The following C4orf51 variants were observed in gnomAD, a reference collection of about 807,000 sequenced individuals.
C4orf51 encodes uncharacterized protein C4orf51.
A neutral mutation model predicts 25.2 loss-of-function variants in C4orf51; 25 were observed. The ratio of observed to expected loss-of-function variants is 0.99; its 90% confidence interval spans 0.72 to 1.39. The LOEUF (loss-of-function observed/expected upper bound fraction) is 1.39, where lower values mean the gene tolerates loss of function less well. C4orf51 is among the 40% of genes most tolerant of loss of function. C4orf51 has a pLI of 0.00. For missense variants in C4orf51, 252 were observed against 239.6 expected (o/e 1.05, Z -0.34); for synonymous variants, 100 against 84.5 (o/e 1.18, Z -1.01).
intron 1 of C4orf51, among the ~76,000 whole-genome samples, chr4:145,693,822 G>A (rs1300406950): frequency 2.3e-5 from 1 of 42,986 alleles, no homozygotes; most frequent in African/African-American, 9.3e-5. Flanking sequence ...CGGACGGGGC[G>A]GCTGGCCGGG....
chr4:145,725,116 C>G (rs1731983612), intron 2 of C4orf51, among the ~76,000 whole-genome samples: 1 of 151,630 alleles, frequency 6.6e-6, no homozygotes, highest in African/African-American at 2.4e-5. Context: ...ACCAAAATCT[C>G]AGAAATCACC....
chr4:145,764,037 G>T (rs537557100), intron 1 of C4orf51, among the ~76,000 whole-genome samples: 1 of 152,302 alleles, frequency 6.6e-6, no homozygotes, highest in Admixed American at 6.5e-5. Context: ...ATCTAGGGGA[G>T]TCATGCCACC....
At position 145,696,451 on chromosome 4, in the gene C4orf51, A is replaced by G. The variant is rs1730060763; in HGVS notation, c.234-108A>G. On this transcript the variant is annotated intron_variant, in intron 1 of 5. Coordinates refer to ENST00000438731, the MANE Select transcript of C4orf51 (RefSeq NM_001080531.3). Reference sequence around the variant, plus strand: ...CTTCACATGTACTCCCAAACCTAAAATGAAAGTTTTAAAAAAAGATGAATG... The same window carrying G: ...CTTCACATGTACTCCCAAACCTAAAGTGAAAGTTTTAAAAAAAGATGAATG... 3.2e-6 allele frequency: 3 copies of G among 925,910 alleles called. No homozygotes were observed. In the Admixed American group the frequency reaches 6.7e-5, roughly 21 times the overall value. 57.4% of individuals were successfully genotyped at this position (925,910 alleles called of 1,614,324 possible).
intron 1 of C4orf51, among the ~76,000 whole-genome samples, chr4:145,742,532 G>GTTTTTTTTTTTTT (rs141147414): frequency 9.5e-6 from 1 of 104,990 alleles, no homozygotes; most frequent in African/African-American, 4.1e-5. Flanking sequence ...TCTTTTTCTT[G>GTTTTTTTTTTTTT]TTTTTTTTTT....
chr4:145,776,547 C>A, the C4orf51 span, among the ~76,000 whole-genome samples: 1 of 151,348 alleles, frequency 6.6e-6, no homozygotes, highest in African/African-American at 2.4e-5. Context: ...GCCCATTTTC[C>A]TGATAAGGTA....
At chr4:145,750,805 G>T (rs1302611266) in intron 1 of C4orf51, among the ~76,000 whole-genome samples, 2 of 151,868 alleles carry the variant, frequency 1.3e-5, no homozygotes, top group African/African-American at 4.8e-5. Context: ...TTTTTTTCTA[G>T]ATCTTGTAGG....
chr4:145,702,452 G>A (rs1343937155), intron 2 of C4orf51, among the ~76,000 whole-genome samples: 15 of 152,124 alleles, frequency 9.9e-5, no homozygotes, highest in East Asian at 1.9e-4. Flanking sequence ...CTGTACTGCC[G>A]CAAGGCTTCA....
chr4:145,699,204 C>G (rs1578947506), intron 2 of C4orf51, among the ~76,000 whole-genome samples: 1 of 150,922 alleles, frequency 6.6e-6, no homozygotes, highest in East Asian at 2.0e-4. Context: ...CCACCTGCAC[C>G]CAGGTGATTA....
rs972064363 is a variant in C4orf51, at chr4:145,723,948, C to A, written c.308-2963C>A. Reference sequence around the variant, plus strand: ...AACACTGGTTCCTCTCCATATACCGCTAAAGAAAATGAGAGACATTTCTAG... The same window carrying A: ...AACACTGGTTCCTCTCCATATACCGATAAAGAAAATGAGAGACATTTCTAG... On this transcript the variant is annotated intron_variant, in intron 2 of 5. Transcript: ENST00000438731. Among the ~76,000 whole-genome samples, 4 of 152,146 alleles carry A rather than the reference C, an allele frequency of 2.6e-5. No individual in the cohort carries two copies. In the South Asian group the frequency reaches 6.2e-4, roughly 24 times the overall value.
intron 2 of C4orf51, among the ~76,000 whole-genome samples, chr4:145,724,919 A>T (rs1226672123): frequency 1.3e-5 from 2 of 151,012 alleles, no homozygotes; most frequent in African/African-American, 4.8e-5. Context: ...AAAAGAAGAA[A>T]AGAGTTAAGT....
At chr4:145,694,698 C>T (rs1182145680) in intron 1 of C4orf51, among the ~76,000 whole-genome samples, 5 of 148,516 alleles carry the variant, frequency 3.4e-5, no homozygotes, top group South Asian at 4.3e-4. Flanking sequence ...AGGTGAGGGG[C>T]GCCTCTGCCC....
At chr4:145,697,100 AT>A (rs34220160) in intron 2 of C4orf51, among the ~76,000 whole-genome samples, 78,474 of 139,214 alleles carry the variant, frequency 0.56, 21,804 homozygotes, top group Admixed American at 0.65. Flanking sequence ...TCTCTTAGCA[AT>A]TTTTTTTTTT....
intron 2 of C4orf51, among the ~76,000 whole-genome samples, chr4:145,706,354 T>A (rs943843415): frequency 6.6e-6 from 1 of 152,174 alleles, no homozygotes; most frequent in Admixed American, 6.5e-5. Flanking sequence ...TTTTAAAGCC[T>A]TAGGTTGGCA....
Position 145,762,331 on chromosome 4 carries a change from G to A in C4orf51, n.167-8657G>A, listed in dbSNP as rs988473717. 6.6e-6 allele frequency among the ~76,000 whole-genome samples: 1 copy of A among 152,236 alleles called. No homozygotes were observed. Among genetic ancestry groups the A allele is most frequent in the African/African-American group, 2.4e-5 (1 of 41,464 alleles). ...ACCCAACGGCCCATCTGCTAATGAG[G>A]AAGGGAGGAGGGAGGGAGACAACTG... is the stretch of plus-strand genomic sequence containing the variant. On this transcript the variant is annotated intron_variant and non_coding_transcript_variant, in intron 1 of 1. Transcript: ENST00000510096. The surrounding 1 kb of genome is among the most constrained non-coding windows in gnomAD (Gnocchi z 4.9).
chr4:145,726,981 A>C lies in C4orf51; in HGVS notation c.366+12A>C. On this transcript the variant is annotated intron_variant, in intron 3 of 5. Coordinates refer to ENST00000438731, the MANE Select transcript of C4orf51 (RefSeq NM_001080531.3). ...TCAAGCATGGAGTGGTAAGCCCAAC[A>C]TTTCTCAGCAATCTCTTACCTGTAG... 6.2e-7 allele frequency: 1 copy of C among 1,606,610 alleles called. No individual in the cohort carries two copies. Among genetic ancestry groups the C allele is most frequent in the Non-Finnish European group, 8.5e-7 (1 of 1,173,310 alleles).
intron 1 of C4orf51, among the ~76,000 whole-genome samples, chr4:145,748,952 G>A (rs1450685861): frequency 4.6e-5 from 7 of 151,812 alleles, no homozygotes; most frequent in South Asian, 2.1e-4. Context: ...TATATCCAAC[G>A]CTGAAGGTGG....
chr4:145,780,192 AAAACAAACAAAC>A, the C4orf51 span, among the ~76,000 whole-genome samples: 97 of 151,254 alleles, frequency 6.4e-4, 1 homozygote, highest in African/African-American at 2.1e-3. Flanking sequence ...CGCTGTCTCA[AAAACAAACAAAC>A]AAACAAACAA....
At chr4:145,767,924 G>C (rs369205481) in intron 1 of C4orf51, among the ~76,000 whole-genome samples, 5 of 152,224 alleles carry the variant, frequency 3.3e-5, no homozygotes, top group African/African-American at 1.2e-4. Context: ...GAAGAGGCTG[G>C]AAATAATAAA....
intron 1 of C4orf51, among the ~76,000 whole-genome samples, chr4:145,739,816 C>T (rs1308007839): frequency 6.6e-6 from 1 of 152,144 alleles, no homozygotes; most frequent in African/African-American, 2.4e-5. Context: ...GAGATAGAGT[C>T]GCTGAGGCCC....
Sources: gnomAD v4.1 joint callset for allele counts (sites outside exome capture counted in the v4.1 genomes callset) on GRCh38, gnomAD v4.1.1 for gene constraint, Gnocchi (gnomAD v3.1) non-coding constraint, MANE v1.5 for transcripts, NCBI Gene and HGNC (gene_info 2026-07-23, HGNC 2026-07-21) for gene names.